The following CACNB2 variants were observed in gnomAD, a reference collection of about 807,000 sequenced individuals.
CACNB2 encodes the protein calcium voltage-gated channel auxiliary subunit beta 2, also known as voltage-dependent L-type calcium channel subunit beta-2.
In CACNB2, 42 loss-of-function variants were observed where a neutral mutation model predicts 73.3. The ratio of observed to expected loss-of-function variants is 0.57; its 90% confidence interval spans 0.45 to 0.74. The LOEUF (loss-of-function observed/expected upper bound fraction) is 0.74, where lower values mean the gene tolerates loss of function less well. Ranked by LOEUF, CACNB2 falls within the 30% of genes least tolerant of loss-of-function variation. CACNB2 has a pLI of 0.00. For synonymous variants in CACNB2, 348 were observed against 310.3 expected (o/e 1.12, Z -1.28); for missense variants, 940 against 853.0 (o/e 1.10, Z -1.27).
Position 18,539,692 on chromosome 10 carries a change from G to A in CACNB2, c.1951G>A (p.Glu651Lys). The A allele has an allele frequency of 1.2e-6, 2 of 1,612,784 alleles. No homozygotes were observed. Among genetic ancestry groups the A allele is most frequent in the African/African-American group, 1.3e-5 (1 of 74,816 alleles). Residue 651 changes from glutamate (E) to lysine (K), a missense_variant, in exon 14 of 14, where the codon GAG (glutamate) becomes AAG (lysine). By Grantham distance (56) the Glu-to-Lys change is moderately conservative (BLOSUM62 1). Coordinates refer to ENST00000324631, the MANE Select transcript of CACNB2 (RefSeq NM_201596.3). ...VISKKRNEAG[E>K]WNRDVYIRQ ...ATCAAAAAAACGGAATGAGGCTGGG[G>A]AGTGGAACAGGGATGTTTACATCCG... is the stretch of plus-strand genomic sequence containing the variant.
At chr10:18,168,184 GTTGAGGCAGGAGGATCCC>G (rs1285529015) in intron 2 of CACNB2, among the ~76,000 whole-genome samples, 3 of 152,160 alleles carry the variant, frequency 2.0e-5, no homozygotes, top group African/African-American at 7.2e-5. Flanking sequence ...AACTTGGGAG[GTTGAGGCAGGAGGATCCC>G]TTGAGCCCAG....
chr10:18,344,452 C>A (rs1182703892), intron 2 of CACNB2, among the ~76,000 whole-genome samples: 2 of 151,818 alleles, frequency 1.3e-5, no homozygotes, highest in East Asian at 3.9e-4. Context: ...TCACTGAAAC[C>A]TCCACCTTTT....
intron 2 of CACNB2, among the ~76,000 whole-genome samples, chr10:18,303,130 C>T (rs2039591812): frequency 6.6e-6 from 1 of 152,064 alleles, no homozygotes; most frequent in African/African-American, 2.4e-5. Context: ...AAGGAATAGA[C>T]AGTTTATTCT....
intron 2 of CACNB2, among the ~76,000 whole-genome samples, chr10:18,272,756 A>G (rs1440326083): frequency 6.6e-6 from 1 of 152,182 alleles, no homozygotes; most frequent in African/African-American, 2.4e-5. Context: ...TCGGCCGTTG[A>G]TTGTGAGGCC....
At chr10:18,419,635 G>A (rs1040556248) in intron 3 of CACNB2, among the ~76,000 whole-genome samples, 4 of 152,142 alleles carry the variant, frequency 2.6e-5, no homozygotes, top group African/African-American at 7.2e-5. Context: ...CCCCAAGAGC[G>A]GGTTCTTGAA....
At chr10:18,505,862 A>G (rs925919678) in intron 5 of CACNB2, among the ~76,000 whole-genome samples, 1 of 152,198 alleles carries the variant, frequency 6.6e-6, no homozygotes, top group Admixed American at 6.5e-5. Context: ...ACCACGTTTC[A>G]TTCTCCACGT....
chr10:18,259,497 G>A (rs922318971), intron 2 of CACNB2, among the ~76,000 whole-genome samples: 4 of 143,458 alleles, frequency 2.8e-5, no homozygotes, highest in Non-Finnish European at 6.0e-5. Context: ...TTGAGTCCAA[G>A]AGTTCAAGAC....
chr10:18,153,183 G>A (rs748102164), intron 2 of CACNB2, among the ~76,000 whole-genome samples: 7 of 152,010 alleles, frequency 4.6e-5, no homozygotes, highest in African/African-American at 7.2e-5. Context: ...ATACATAAGC[G>A]TGTAAGAAGG....
chr10:18,491,559 G>A (rs1364198410), intron 3 of CACNB2, among the ~76,000 whole-genome samples: 2 of 152,160 alleles, frequency 1.3e-5, no homozygotes, highest in Non-Finnish European at 2.9e-5. Flanking sequence ...CTTCGTTCCA[G>A]CCTGGGCAAC....
chr10:18,385,966 G>A (rs1372630525), intron 2 of CACNB2, among the ~76,000 whole-genome samples: 1 of 152,024 alleles, frequency 6.6e-6, no homozygotes, highest in Non-Finnish European at 1.5e-5. Flanking sequence ...GTACACATTT[G>A]TATATATCTA....
chr10:18,537,856 A>G (rs1442214641), intron 12 of CACNB2, among the ~76,000 whole-genome samples: 1 of 152,184 alleles, frequency 6.6e-6, no homozygotes, highest in Non-Finnish European at 1.5e-5. Context: ...TTCTGTTCAA[A>G]TATATATACA....
intron 2 of CACNB2, among the ~76,000 whole-genome samples, chr10:18,163,300 G>A (rs375859339): frequency 9.9e-5 from 15 of 152,126 alleles, no homozygotes; most frequent in African/African-American, 3.6e-4. Flanking sequence ...TAATTGGCCT[G>A]AGTATATATC....
chr10:18,539,647 G>GA lies in CACNB2; in HGVS notation c.1910dup (p.Asp638GlyfsTer11), dbSNP rs750015594. On this transcript the variant is annotated frameshift_variant, in exon 14 of 14. Coordinates refer to ENST00000324631, the MANE Select transcript of CACNB2 (RefSeq NM_201596.3). LOFTEE classifies it high-confidence loss of function. ...TCATAAATCCAAGGATCGCTACTGT[G>GA]AAAAGGATGGAGAAGTGATATCAAA... The GA allele has an allele frequency of 3.0e-5, 49 of 1,613,170 alleles. No individual in the cohort carries two copies. The highest frequency in any genetic ancestry group is 4.2e-5 in the Non-Finnish European group (49 of 1,179,862).
At chr10:18,463,963 A>G (rs561221392) in intron 3 of CACNB2, among the ~76,000 whole-genome samples, 1 of 151,914 alleles carries the variant, frequency 6.6e-6, no homozygotes, top group South Asian at 2.1e-4. Flanking sequence ...ATGTCCAGAT[A>G]TTCCTCCCAC....
At chr10:18,191,605 A>T (rs1588663181) in intron 2 of CACNB2, among the ~76,000 whole-genome samples, 1 of 152,208 alleles carries the variant, frequency 6.6e-6, no homozygotes, top group Non-Finnish European at 1.5e-5. Context: ...ACCCTTCTCC[A>T]CAAGTCCCCA....
At chr10:18,226,120 G>C (rs1046008900) in intron 2 of CACNB2, among the ~76,000 whole-genome samples, 2 of 151,590 alleles carry the variant, frequency 1.3e-5, no homozygotes, top group Non-Finnish European at 2.9e-5. Context: ...TCCGCCTCCT[G>C]GGCTGAAGTG....
intron 2 of CACNB2, among the ~76,000 whole-genome samples, chr10:18,167,663 C>T (rs566923677): frequency 1.3e-5 from 2 of 152,164 alleles, no homozygotes; most frequent in South Asian, 4.2e-4. Flanking sequence ...GAAGTTTTAT[C>T]AACTCCAAAT....
At chr10:18,147,001 G>A (rs1017383176) in intron 1 of CACNB2, among the ~76,000 whole-genome samples, 5 of 152,302 alleles carry the variant, frequency 3.3e-5, no homozygotes, top group Non-Finnish European at 7.4e-5. Flanking sequence ...TAAAAGCACA[G>A]AAGCCACATC....
chr10:18,152,810 A>T (rs113390901), intron 2 of CACNB2, among the ~76,000 whole-genome samples: 6,560 of 151,710 alleles, frequency 0.043, 198 homozygotes, highest in Non-Finnish European at 0.065. Context: ...CGCTTGTTGA[A>T]ATTGCACGGA....
Sources: allele counts gnomAD v4.1 joint callset (sites outside exome capture counted in the v4.1 genomes callset), GRCh38; gene constraint gnomAD v4.1.1; transcripts MANE v1.5; gene names NCBI Gene and HGNC (gene_info 2026-07-23, HGNC 2026-07-21).